Variants in MSRA observed in about 807,000 individuals in gnomAD.
MSRA encodes methionine sulfoxide reductase A.
MSRA carries 54 observed loss-of-function variants against 31.3 expected under a neutral mutation model. That is an observed-to-expected ratio of 1.73 (90% CI 1.39 to 2.17). The LOEUF (loss-of-function observed/expected upper bound fraction) is 2.17. Ranked by LOEUF, MSRA falls within the 30% of genes most tolerant of loss-of-function variation. The probability of loss-of-function intolerance (pLI) is 0.00; values close to 1 mark genes in which losing one functional copy is unlikely to be tolerated. For synonymous variants in MSRA, 169 were observed against 116.5 expected (o/e 1.45, Z -2.90); for missense variants, 507 against 300.9 (o/e 1.69, Z -5.07).
intron 5 of MSRA, among the ~76,000 whole-genome samples, chr8:10,426,528 A>G (rs577739979): frequency 2.6e-4 from 40 of 152,344 alleles, no homozygotes; most frequent in Non-Finnish European, 4.6e-4. Context: ...GCGCCCTGCA[A>G]AGAATAGCTT....
At chr8:10,354,805 A>T (rs192453990) in intron 5 of MSRA, among the ~76,000 whole-genome samples, 2 of 146,664 alleles carry the variant, frequency 1.4e-5, no homozygotes, top group Non-Finnish European at 3.0e-5. Context: ...ATGTTATTTT[A>T]TTGTTATCAC....
At chr8:10,255,993 G>A (rs1200921965) in intron 3 of MSRA, among the ~76,000 whole-genome samples, 1 of 151,906 alleles carries the variant, frequency 6.6e-6, no homozygotes, top group Non-Finnish European at 1.5e-5. Flanking sequence ...ACACTGACAC[G>A]TCCTCAGCAG....
At chr8:10,222,207 G>A (rs75486359) in intron 2 of MSRA, among the ~76,000 whole-genome samples, 4,413 of 152,054 alleles carry the variant, frequency 0.029, 101 homozygotes, top group East Asian at 0.14. Context: ...GCTTTTGAAC[G>A]TAACTACTTT....
At chr8:10,102,768 G>T (rs908022811) in intron 1 of MSRA, among the ~76,000 whole-genome samples, 1 of 152,176 alleles carries the variant, frequency 6.6e-6, no homozygotes, top group Non-Finnish European at 1.5e-5. Flanking sequence ...GGAAAGGGGG[G>T]CACTCCCTCA....
intron 1 of MSRA, among the ~76,000 whole-genome samples, chr8:10,061,923 T>G (rs1167777138): frequency 6.6e-6 from 1 of 152,192 alleles, no homozygotes; most frequent in Non-Finnish European, 1.5e-5. Context: ...AAGAGGTCAT[T>G]AAGCTCAGTG....
At chr8:10,347,967 T>C (rs907906058) in intron 5 of MSRA, among the ~76,000 whole-genome samples, 37 of 152,230 alleles carry the variant, frequency 2.4e-4, no homozygotes, top group African/African-American at 8.9e-4. Context: ...CTAAGCTCAT[T>C]GAAACATCCA....
intron 3 of MSRA, among the ~76,000 whole-genome samples, chr8:10,247,675 G>C (rs560771904): frequency 1.3e-5 from 2 of 152,240 alleles, no homozygotes; most frequent in East Asian, 3.9e-4. Context: ...CAGTAGCATT[G>C]GGAAGCATGG....
At chr8:10,280,561 C>G (rs550944150) in intron 3 of MSRA, among the ~76,000 whole-genome samples, 1 of 152,304 alleles carries the variant, frequency 6.6e-6, no homozygotes, top group South Asian at 2.1e-4. Context: ...CCCTCATACA[C>G]TGCTGGTATG....
chr8:10,414,492 C>T lies in MSRA; in HGVS notation c.544-13656C>T, dbSNP rs191317246. Reference sequence around the variant, plus strand: ...GCACTGAAAGTTCTGCATCCTGAGACACCCCCAGCCCTGGCAGCCAAGACA... The same window carrying T: ...GCACTGAAAGTTCTGCATCCTGAGATACCCCCAGCCCTGGCAGCCAAGACA... On this transcript the variant is annotated intron_variant, in intron 5 of 5. Coordinates refer to ENST00000317173, the MANE Select transcript of MSRA (RefSeq NM_012331.5). Among the ~76,000 whole-genome samples, 14 of 152,358 alleles carry T rather than the reference C, an allele frequency of 9.2e-5. No homozygotes were observed. In the East Asian group the frequency reaches 2.5e-3, roughly 27 times the overall value.
chr8:10,396,489 A>G (rs1205959692), intron 5 of MSRA, among the ~76,000 whole-genome samples: 1 of 152,246 alleles, frequency 6.6e-6, no homozygotes, highest in East Asian at 1.9e-4. Flanking sequence ...ATTTTTGAAG[A>G]TTCTGCACTG....
chr8:10,199,215 C>T (rs1170043147), intron 1 of MSRA, among the ~76,000 whole-genome samples: 1 of 152,098 alleles, frequency 6.6e-6, no homozygotes, highest in African/African-American at 2.4e-5. Flanking sequence ...TGGGGGATCC[C>T]TCTGATCACC....
chr8:10,115,940 A>C (rs1474685787), intron 1 of MSRA, among the ~76,000 whole-genome samples: 1 of 152,152 alleles, frequency 6.6e-6, no homozygotes, highest in Admixed American at 6.5e-5. Context: ...TGTGGTGGGG[A>C]CCATAGGGCC....
At chr8:10,395,979 G>A (rs1307531250) in intron 5 of MSRA, among the ~76,000 whole-genome samples, 1 of 152,212 alleles carries the variant, frequency 6.6e-6, no homozygotes, top group African/African-American at 2.4e-5. Context: ...CAAGTGGGCA[G>A]TCTCTTGTCT....
chr8:10,418,618 A>G (rs925339459), intron 5 of MSRA, among the ~76,000 whole-genome samples: 2 of 152,224 alleles, frequency 1.3e-5, no homozygotes, highest in East Asian at 1.9e-4. Flanking sequence ...AAGGGAATCC[A>G]TGGTCCCCAA....
At chr8:10,200,704 TG>T (rs1251802787) in intron 1 of MSRA, among the ~76,000 whole-genome samples, 1 of 152,156 alleles carries the variant, frequency 6.6e-6, no homozygotes, top group African/African-American at 2.4e-5. Context: ...ATGCTGCTAT[TG>T]GGGGCAAAAC....
chr8:10,125,382 A>G (rs1416913621), intron 1 of MSRA, among the ~76,000 whole-genome samples: 1 of 152,212 alleles, frequency 6.6e-6, no homozygotes, highest in Non-Finnish European at 1.5e-5. Context: ...GCTTGACCCA[A>G]GCCTGGAAGG....
intron 1 of MSRA, among the ~76,000 whole-genome samples, chr8:10,147,977 G>A (rs1265543654): frequency 6.6e-6 from 1 of 152,214 alleles, no homozygotes; most frequent in African/African-American, 2.4e-5. Flanking sequence ...GTCTCCCATG[G>A]TTTGAGGTGT....
chr8:10,105,059 G>A (rs1045186982), intron 1 of MSRA, among the ~76,000 whole-genome samples: 2 of 152,088 alleles, frequency 1.3e-5, no homozygotes, highest in Admixed American at 6.6e-5. Context: ...TTTAATATTG[G>A]TAATTTAGAT....
chr8:10,274,782 T>C (rs1050323283), intron 3 of MSRA, among the ~76,000 whole-genome samples: 3 of 151,946 alleles, frequency 2.0e-5, no homozygotes, highest in Non-Finnish European at 2.9e-5. Context: ...CAGCCATCTG[T>C]CCATCCACTC....
Sources: allele counts gnomAD v4.1 joint callset (sites outside exome capture counted in the v4.1 genomes callset), GRCh38; gene constraint gnomAD v4.1.1; transcripts MANE v1.5; gene names NCBI Gene and HGNC (gene_info 2026-07-23, HGNC 2026-07-21).